SLC18A2: variants seen among roughly 807,000 people sequenced by gnomAD.
SLC18A2 encodes the protein solute carrier family 18 member A2, also known as synaptic vesicular amine transporter.
SLC18A2 carries 33 observed loss-of-function variants against 59.2 expected under a neutral mutation model. That is an observed-to-expected ratio of 0.56 (90% CI 0.42 to 0.75). The LOEUF (loss-of-function observed/expected upper bound fraction) is 0.75. SLC18A2 is among the 30% of genes least tolerant of loss of function. The pLI is 0.00. For missense variants in SLC18A2, 569 were observed against 668.6 expected, an observed-to-expected ratio of 0.85 and a Z score of 1.64; for synonymous variants, 228 against 253.5, an observed-to-expected ratio of 0.90 and a Z score of 0.95.
At chr10:117,247,406 A>G (rs190415898) in intron 3 of SLC18A2, among the ~76,000 whole-genome samples, 4 of 152,346 alleles carry the variant, frequency 2.6e-5, no homozygotes, top group East Asian at 1.9e-4. Context: ...GAAAGCATTT[A>G]CCACAACAGT....
intron 15 of SLC18A2, among the ~76,000 whole-genome samples, chr10:117,273,604 A>G (rs1369581571): frequency 6.6e-6 from 1 of 152,228 alleles, no homozygotes; most frequent in Non-Finnish European, 1.5e-5. Flanking sequence ...CTGCTGAGAT[A>G]GACCACATTC....
chr10:117,253,326 G>C, intron 3 of SLC18A2, 73 bp from the exon 4 acceptor site: 1 of 1,132,862 alleles, frequency 8.8e-7, no homozygotes, highest in Non-Finnish European at 1.3e-6. Context: ...AGGGTAGCCA[G>C]GCGAAAATCA....
chr10:117,279,118 T>C lies in SLC18A2; in HGVS notation c.*1852T>C, dbSNP rs1844542099. ...CCCTCGGGATAAGATAAAATATAAA[T>C]AAAACCTTCAGAACTGTTTTGGAGC... On this transcript the variant is annotated 3_prime_UTR_variant, in exon 16 of 16. Transcript: ENST00000644641. 6.6e-6 allele frequency: 1 copy of C among 152,194 alleles called. No individual in the cohort carries two copies. Among genetic ancestry groups the C allele is most frequent in the South Asian group, 2.1e-4 (1 of 4,830 alleles). The allele number at this position is 152,194 out of a possible 1,614,324, so 9.4% of individuals were successfully genotyped here.
intron 10 of SLC18A2, among the ~76,000 whole-genome samples, chr10:117,258,175 C>G (rs1310640061): frequency 6.6e-6 from 1 of 152,204 alleles, no homozygotes; most frequent in Non-Finnish European, 1.5e-5. Flanking sequence ...ACTGGACTAA[C>G]TGGACAGCCA....
intron 3 of SLC18A2, among the ~76,000 whole-genome samples, chr10:117,251,976 T>C (rs1454827510): frequency 6.6e-6 from 1 of 152,008 alleles, no homozygotes; most frequent in Non-Finnish European, 1.5e-5. Flanking sequence ...TATTTACTTT[T>C]GAGACAGAAT....
chr10:117,266,597 T>G, intron 10 of SLC18A2, 136 bp from the exon 11 acceptor site: 2 of 678,196 alleles, frequency 2.9e-6, no homozygotes, highest in Non-Finnish European at 5.0e-6. Flanking sequence ...AGGCGCCGGA[T>G]ATTAGCTGCT....
rs368808039 is a variant in SLC18A2, at chr10:117,255,386, C to T, written c.790+20C>T. 5.8e-5 allele frequency: 93 copies of T among 1,613,906 alleles called. 1 individual carries two copies. The South Asian group carries it at 6.7e-4, about 12-fold the overall frequency. ...ATGGAGGTGAGTGAGTCCACGTGGG[C>T]GCCATGCCATGACCTTGGCATCGTG... On this transcript the variant is annotated intron_variant, in intron 7 of 15. Coordinates refer to ENST00000644641, the MANE Select transcript of SLC18A2 (RefSeq NM_003054.6).
chr10:117,252,134 A>ATTTTTTT lies in SLC18A2; in HGVS notation c.465-1242_465-1236dup, dbSNP rs57101171. Among the ~76,000 whole-genome samples, 75 of 44,342 alleles carry ATTTTTTT rather than the reference A, an allele frequency of 1.7e-3. 6 individuals are homozygous for ATTTTTTT. Among genetic ancestry groups the ATTTTTTT allele is most frequent in the African/African-American group, 3.7e-3 (53 of 14,268 alleles). The allele number at this position is 44,342 out of a possible 152,430, so 29.1% of individuals were successfully genotyped here. A position where few individuals can be genotyped will look rare whatever the true frequency, so the allele number is the denominator to read the frequency against. On this transcript the variant is annotated intron_variant, in intron 3 of 15. Coordinates refer to ENST00000644641, the MANE Select transcript of SLC18A2 (RefSeq NM_003054.6). The stretch of plus-strand genomic sequence containing the variant: ...CTACTATGCCTGACTCATTTTTTGT[A>ATTTTTTT]TTTTTTTTTTTTTTTTTTTTTTTTT...
intron 9 of SLC18A2, among the ~76,000 whole-genome samples, chr10:117,257,092 C>T (rs1201515318): frequency 6.6e-6 from 1 of 152,196 alleles, no homozygotes; most frequent in African/African-American, 2.4e-5. Flanking sequence ...ACCATATGTG[C>T]ACCTTCATCA....
At chr10:117,263,796 G>C (rs1844320089) in intron 10 of SLC18A2, among the ~76,000 whole-genome samples, 1 of 152,146 alleles carries the variant, frequency 6.6e-6, no homozygotes, top group Non-Finnish European at 1.5e-5. Flanking sequence ...CTTGTCTTCT[G>C]GTTCTTCTAG....
intron 2 of SLC18A2, chr10:117,242,063 C>A (rs927405858): frequency 2.7e-6 from 1 of 371,980 alleles, no homozygotes; most frequent in African/African-American, 2.1e-5. Context: ...ACTTATGTTT[C>A]CCCCTGATAA....
intron 15 of SLC18A2, among the ~76,000 whole-genome samples, chr10:117,272,941 T>C (rs1270683555): frequency 1.3e-5 from 2 of 152,122 alleles, no homozygotes; most frequent in East Asian, 3.9e-4. Context: ...TCAATGACCA[T>C]GCAGTTGAGA....
intron 15 of SLC18A2, among the ~76,000 whole-genome samples, chr10:117,271,638 G>C (rs1043793099): frequency 2.6e-5 from 4 of 152,194 alleles, no homozygotes; most frequent in African/African-American, 9.7e-5. Flanking sequence ...AAATAACTCA[G>C]ACAGAAGCCA....
intron 9 of SLC18A2, among the ~76,000 whole-genome samples, chr10:117,256,401 G>T (rs778957731): frequency 1.1e-4 from 17 of 152,176 alleles, no homozygotes; most frequent in Non-Finnish European, 1.9e-4. Flanking sequence ...TTGGGGTCAG[G>T]CCAGGAGAAG....
In SLC18A2 at chr10:117,244,349, T is replaced by C. The variant is rs374403631; in HGVS notation, c.464+36T>C. The C allele has an allele frequency of 3.9e-5, 60 of 1,542,436 alleles. No individual in the cohort carries two copies. In the African/African-American group the frequency reaches 7.1e-4, roughly 18 times the overall value. ...CTACTTTAGTCAAAGAGTTTGATAT[T>C]TGTATCAGTCCTAGCTTATGTCCTT... On this transcript the variant is annotated intron_variant, in intron 3 of 15. Coordinates refer to ENST00000644641, the MANE Select transcript of SLC18A2 (RefSeq NM_003054.6).
At position 117,255,507 on chromosome 10, in the gene SLC18A2, C is replaced by G; in HGVS notation, c.819C>G (p.Ser273=). The change falls in exon 8 of 16, where the codon TCC becomes TCG. Residue 273 remains serine, a synonymous_variant. Transcript: ENST00000644641. ...TTCAGCTCTTTGTGCTCCAGCCGTC[C>G]CGGGTGCAGCCAGAGGTAAGCGGCT... The part of the protein sequence containing the change: ...GAIQLFVLQP[S]RVQPESQKGT... 6.2e-7 allele frequency: 1 copy of G among 1,614,050 alleles called. No individual in the cohort carries two copies. Among genetic ancestry groups the G allele is most frequent in the Non-Finnish European group, 8.5e-7 (1 of 1,180,034 alleles).
chr10:117,262,436 G>T (rs1251495459), intron 10 of SLC18A2, among the ~76,000 whole-genome samples: 1 of 152,304 alleles, frequency 6.6e-6, no homozygotes, highest in East Asian at 1.9e-4. Context: ...GGTGGACTTG[G>T]ATCTGACACC....
intron 10 of SLC18A2, among the ~76,000 whole-genome samples, chr10:117,264,964 A>G (rs919752097): frequency 2.0e-5 from 3 of 152,160 alleles, no homozygotes; most frequent in Non-Finnish European, 4.4e-5. Flanking sequence ...TTTAAACGTC[A>G]TCTGCTCCTT....
At chr10:117,241,569 C>CCCGGATG (rs891738277) in intron 1 of SLC18A2, 110 bp from the exon 2 acceptor site, 2 of 1,222,718 alleles carry the variant, frequency 1.6e-6, no homozygotes, top group Admixed American at 3.9e-5. Flanking sequence ...CGGGGGTGTC[C>CCCGGATG]CCGGATGCCG....
Sources: allele counts gnomAD v4.1 joint callset (sites outside exome capture counted in the v4.1 genomes callset), GRCh38; gene constraint gnomAD v4.1.1; transcripts MANE v1.5; gene names NCBI Gene and HGNC (gene_info 2026-07-23, HGNC 2026-07-21).